ARAP2: variants seen among roughly 807,000 people sequenced by gnomAD.
ARAP2 encodes arf-GAP with Rho-GAP domain, ANK repeat and PH domain-containing protein 2.
In ARAP2, 148 loss-of-function variants were observed where a neutral mutation model predicts 194.5. That is an observed-to-expected ratio of 0.76 (90% CI 0.67 to 0.87). The LOEUF (loss-of-function observed/expected upper bound fraction) is 0.87. Among genes scored for constraint, ARAP2 ranks in the 40% least tolerant of loss-of-function variants. The probability of loss-of-function intolerance (pLI) is 0.00; values close to 1 mark genes in which losing one functional copy is unlikely to be tolerated. For synonymous variants in ARAP2, 695 were observed against 683.5 expected (o/e 1.02, Z -0.26); for missense variants, 2,128 against 1,989.7 (o/e 1.07, Z -1.32).
chr4:36,181,482 A>G (rs1003703928), intron 8 of ARAP2, among the ~76,000 whole-genome samples: 4 of 152,206 alleles, frequency 2.6e-5, no homozygotes, highest in Non-Finnish European at 5.9e-5. Context: ...ACTCCTTAAT[A>G]ACAAGGGATT....
Position 36,165,051 on chromosome 4 carries a change from G to C in ARAP2, c.2036C>G (p.Ala679Gly), listed in dbSNP as rs1219810221. ...TACTTCATAATCAGAGAGAGTTTCT[G>C]CTATTGATTGCTGCACAGCTTCAAT... ...DWIEAVQQSIAETLSDYEVAE... is the reference protein window; with the variant it reads ...DWIEAVQQSIGETLSDYEVAE... Residue 679 changes from alanine (A) to glycine (G), a missense_variant, in exon 11 of 33, where the codon GCA becomes GGA. Physicochemically the swap from Ala to Gly is moderately conservative, Grantham distance 60. Coordinates refer to ENST00000303965, the MANE Select transcript of ARAP2 (RefSeq NM_015230.4). The C allele has an allele frequency of 5.6e-6, 9 of 1,614,042 alleles. No individual in the cohort carries two copies. Among genetic ancestry groups the C allele is most frequent in the Non-Finnish European group, 7.6e-6 (9 of 1,179,922 alleles).
intron 5 of ARAP2, among the ~76,000 whole-genome samples, chr4:36,030,164 G>GAA (rs1718669661): frequency 6.6e-6 from 1 of 151,946 alleles, no homozygotes; most frequent in East Asian, 1.9e-4. Context: ...CATTATACTT[G>GAA]AAAGACAGCT....
At chr4:36,173,696 A>G (rs1228672702) in intron 9 of ARAP2, among the ~76,000 whole-genome samples, 1 of 152,310 alleles carries the variant, frequency 6.6e-6, no homozygotes, top group South Asian at 2.1e-4. Context: ...GGAGGAAAAA[A>G]AACTCTTCTG....
chr4:36,053,604 C>T (rs1723045715), intron 2 of ARAP2, among the ~76,000 whole-genome samples: 1 of 152,094 alleles, frequency 6.6e-6, no homozygotes, highest in Non-Finnish European at 1.5e-5. Flanking sequence ...CTTCTAGATT[C>T]CAAAGATATC....
At chr4:36,032,674 T>G (rs1719191327) in intron 5 of ARAP2, among the ~76,000 whole-genome samples, 2 of 152,292 alleles carry the variant, frequency 1.3e-5, no homozygotes, top group Admixed American at 6.5e-5. Flanking sequence ...TTTATTTTAT[T>G]TTTTAACTTT....
intron 8 of ARAP2, among the ~76,000 whole-genome samples, chr4:36,180,131 T>G (rs1478404449): frequency 6.6e-6 from 1 of 151,826 alleles, no homozygotes; most frequent in Admixed American, 6.6e-5. Flanking sequence ...ACACAAAAAT[T>G]AGCTGGGCAT....
At chr4:36,064,648 T>C (rs1237696742), downstream of ARAP2, among the ~76,000 whole-genome samples, 2 of 152,142 alleles carry the variant, frequency 1.3e-5, no homozygotes, top group Non-Finnish European at 2.9e-5. Flanking sequence ...GCAACCTGGT[T>C]CCCTGTGGGG....
intron 5 of ARAP2, among the ~76,000 whole-genome samples, chr4:36,023,018 C>T (rs1182750594): frequency 6.6e-6 from 1 of 152,188 alleles, no homozygotes; most frequent in Non-Finnish European, 1.5e-5. Flanking sequence ...AAGTCCCATG[C>T]AGTGTTGCCA....
intron 5 of ARAP2, among the ~76,000 whole-genome samples, chr4:36,025,663 G>A (rs151140635): frequency 1.4e-3 from 206 of 150,600 alleles, no homozygotes; most frequent in African/African-American, 4.8e-3. Flanking sequence ...TGGCTGTGGA[G>A]AATTACACTT....
chr4:36,037,040 C>T (rs1720045941), intron 5 of ARAP2, among the ~76,000 whole-genome samples: 1 of 152,086 alleles, frequency 6.6e-6, no homozygotes, highest in African/African-American at 2.4e-5. Context: ...TAAGTGTCTT[C>T]CCTAATTCTT....
chr4:36,130,139 G>A (rs1725061062), intron 20 of ARAP2, among the ~76,000 whole-genome samples: 1 of 151,892 alleles, frequency 6.6e-6, no homozygotes, highest in African/African-American at 2.4e-5. Context: ...TTTGTGGACT[G>A]AGTTCTTACT....
At chr4:36,045,576 T>C (rs1430084881) in intron 5 of ARAP2, among the ~76,000 whole-genome samples, 2 of 152,054 alleles carry the variant, frequency 1.3e-5, no homozygotes, top group Non-Finnish European at 2.9e-5. Flanking sequence ...GTGAGACAAA[T>C]GGTACAAAGT....
chr4:36,160,152 T>C, intron 13 of ARAP2: 1 of 1,018,238 alleles, frequency 9.8e-7, no homozygotes, highest in East Asian at 1.0e-4. Context: ...CTTCTCATCC[T>C]TTCTTCCCAC....
rs546866509 is a variant in ARAP2 at position 36,053,715 on chromosome 4, A to C, written n.322-1662T>G. Among the ~76,000 whole-genome samples, 4 of 152,356 alleles carry C rather than the reference A, an allele frequency of 2.6e-5. No homozygotes were observed. The East Asian group carries it at 7.7e-4, about 29-fold the overall frequency. On this transcript the variant is annotated intron_variant and non_coding_transcript_variant, in intron 2 of 12. Transcript: ENST00000503225. Reference sequence around the variant, plus strand: ...GTTGAGTAAAAATTGAAGAGTTTTTAAACTAAAAGGAATTTATTAAAATGG... The same window carrying C: ...GTTGAGTAAAAATTGAAGAGTTTTTCAACTAAAAGGAATTTATTAAAATGG...
chr4:36,075,445 T>TTC (rs905869815), intron 31 of ARAP2, among the ~76,000 whole-genome samples: 3 of 152,146 alleles, frequency 2.0e-5, no homozygotes, highest in African/African-American at 7.2e-5. Context: ...GGATCAAACT[T>TTC]TCATTTTATA....
chr4:36,149,275 G>A (rs1200136344), intron 16 of ARAP2, among the ~76,000 whole-genome samples: 1 of 151,962 alleles, frequency 6.6e-6, no homozygotes, highest in African/African-American at 2.4e-5. Context: ...AAACCCTTGA[G>A]TGTAACTTGT....
intron 8 of ARAP2, among the ~76,000 whole-genome samples, chr4:36,013,514 T>C (rs926931310): frequency 2.0e-5 from 3 of 152,126 alleles, no homozygotes; most frequent in African/African-American, 4.8e-5. Context: ...GAGAGAATTA[T>C]GGATACAGGG....
intron 8 of ARAP2, among the ~76,000 whole-genome samples, chr4:36,014,972 G>T (rs1343446060): frequency 2.0e-5 from 3 of 152,168 alleles, no homozygotes; most frequent in Non-Finnish European, 4.4e-5. Context: ...GGCTTTTAAT[G>T]TATGCAGATG....
chr4:36,107,275 G>A lies in ARAP2; in HGVS notation c.4285+290C>T, dbSNP rs1199508755. ...ATGACTTGCCCTCAGTCTAAAAATT[G>A]AGGAAAATACATAAGCATAAGCATG... On this transcript the variant is annotated intron_variant, in intron 27 of 32. Coordinates refer to ENST00000303965, the MANE Select transcript of ARAP2 (RefSeq NM_015230.4). 4.6e-5 allele frequency among the ~76,000 whole-genome samples: 7 copies of A among 151,986 alleles called. No individual in the cohort carries two copies. In the East Asian group the frequency reaches 9.7e-4, roughly 21 times the overall value.
Sources: gnomAD v4.1 joint callset for allele counts (sites outside exome capture counted in the v4.1 genomes callset) on GRCh38, gnomAD v4.1.1 for gene constraint, MANE v1.5 for transcripts, NCBI Gene and HGNC (gene_info 2026-07-23, HGNC 2026-07-21) for gene names.